The following RBM20 variants were observed in gnomAD, a reference collection of about 807,000 sequenced individuals.
RBM20 encodes RNA-binding protein 20.
In RBM20, 51 loss-of-function variants were observed where a neutral mutation model predicts 110.1. The observed-to-expected ratio is 0.46, with a 90% CI of 0.37 to 0.59. The LOEUF (loss-of-function observed/expected upper bound fraction) is 0.59. RBM20 is among the 20% of genes least tolerant of loss of function. The pLI is 0.00. For missense variants in RBM20, 1,512 were observed against 1,574.9 expected, an observed-to-expected ratio of 0.96 and a Z score of 0.68; for synonymous variants, 589 against 618.2, an observed-to-expected ratio of 0.95 and a Z score of 0.70.
At chr10:110,740,345 T>A (rs1417854258) in intron 1 of RBM20, among the ~76,000 whole-genome samples, 1 of 152,100 alleles carries the variant, frequency 6.6e-6, no homozygotes, top group Non-Finnish European at 1.5e-5. Flanking sequence ...TTTTTTAAGT[T>A]GGGTGTTTTT....
chr10:110,704,945 TTA>T (rs1273197737), intron 1 of RBM20, among the ~76,000 whole-genome samples: 1 of 152,230 alleles, frequency 6.6e-6, no homozygotes. Flanking sequence ...TCATGGAATA[TTA>T]TATGTTTTTG....
chr10:110,700,788 G>T (rs938769610), intron 1 of RBM20, among the ~76,000 whole-genome samples: 3 of 152,120 alleles, frequency 2.0e-5, no homozygotes, highest in Non-Finnish European at 4.4e-5. Flanking sequence ...GGCTGAGGCG[G>T]GCGGATCACC....
At chr10:110,683,190 A>G (rs1393773193) in intron 1 of RBM20, among the ~76,000 whole-genome samples, 1 of 152,330 alleles carries the variant, frequency 6.6e-6, no homozygotes, top group South Asian at 2.1e-4. Flanking sequence ...TCTTGATTTC[A>G]TAGTCAGCTT....
At chr10:110,810,080 T>C (rs1430163124) in intron 7 of RBM20, among the ~76,000 whole-genome samples, 2 of 152,206 alleles carry the variant, frequency 1.3e-5, no homozygotes, top group African/African-American at 4.8e-5. Context: ...ATTTTAATTT[T>C]TTTTTATTCG....
chr10:110,830,499 G>GC (rs972007247), intron 12 of RBM20, among the ~76,000 whole-genome samples: 1 of 152,054 alleles, frequency 6.6e-6, no homozygotes, highest in Non-Finnish European at 1.5e-5. Context: ...GACTAAAATG[G>GC]CCCCCCCAAA....
chr10:110,827,787 C>G (rs1845000545), intron 12 of RBM20: 1 of 152,192 alleles, frequency 6.6e-6, no homozygotes, highest in Admixed American at 6.5e-5. Flanking sequence ...TATGGCTCCT[C>G]TCACCGGGGC....
intron 5 of RBM20, among the ~76,000 whole-genome samples, chr10:110,794,042 T>C (rs1844517781): frequency 6.6e-6 from 1 of 152,228 alleles, no homozygotes; most frequent in Non-Finnish European, 1.5e-5. Context: ...ATGTACAAAC[T>C]GTACTTTTGA....
intron 1 of RBM20, among the ~76,000 whole-genome samples, chr10:110,772,976 T>C (rs1363141373): frequency 6.6e-6 from 1 of 152,088 alleles, no homozygotes; most frequent in African/African-American, 2.4e-5. Flanking sequence ...TTTCTCATTT[T>C]ACAAAAAAAA....
chr10:110,835,761 G>A, intron 13 of RBM20, 107 bp from the exon 14 acceptor site: 1 of 1,162,130 alleles, frequency 8.6e-7, no homozygotes, highest in Non-Finnish European at 1.2e-6. Context: ...CCCACAGCTG[G>A]GCACAGATGC....
chr10:110,757,233 T>C (rs1396618480), intron 1 of RBM20, among the ~76,000 whole-genome samples: 1 of 152,224 alleles, frequency 6.6e-6, no homozygotes, highest in Non-Finnish European at 1.5e-5. Flanking sequence ...TTTGCTCTAT[T>C]CCTCTATGTT....
intron 1 of RBM20, among the ~76,000 whole-genome samples, chr10:110,645,939 C>T (rs2134795812): frequency 6.6e-6 from 1 of 152,190 alleles, no homozygotes. Flanking sequence ...AATTATTCAG[C>T]CAATACTAAA....
At chr10:110,753,268 T>G (rs1590655583) in intron 1 of RBM20, among the ~76,000 whole-genome samples, 1 of 66,138 alleles carries the variant, frequency 1.5e-5, no homozygotes, top group South Asian at 5.8e-4. Flanking sequence ...CTAAAGTTTA[T>G]CAAAGCTTTC....
At chr10:110,764,710 G>A (rs1844056308) in intron 1 of RBM20, among the ~76,000 whole-genome samples, 2 of 152,162 alleles carry the variant, frequency 1.3e-5, no homozygotes, top group African/African-American at 2.4e-5. Context: ...CAGAAAGCTG[G>A]TAGAATGTCA....
At chr10:110,716,907 G>A (rs1192088870) in intron 1 of RBM20, among the ~76,000 whole-genome samples, 1 of 126,002 alleles carries the variant, frequency 7.9e-6, no homozygotes, top group Non-Finnish European at 1.6e-5. Flanking sequence ...ACACAACTCC[G>A]TCTCAAAAAA....
intron 5 of RBM20, among the ~76,000 whole-genome samples, chr10:110,790,228 G>A (rs1328079351): frequency 1.3e-5 from 2 of 152,218 alleles, no homozygotes; most frequent in Admixed American, 6.5e-5. Context: ...CCCTCTGAAT[G>A]CATGGCTTAG....
At chr10:110,752,892 T>C (rs1243363606) in intron 1 of RBM20, among the ~76,000 whole-genome samples, 2 of 146,368 alleles carry the variant, frequency 1.4e-5, no homozygotes, top group Admixed American at 6.8e-5. Flanking sequence ...TTCTAGAAAT[T>C]ATAATACATA....
At position 110,839,341 on chromosome 10, in the gene RBM20, A is replaced by G. The variant is rs997961259; in HGVS notation, c.*3363A>G. The G allele has an allele frequency of 6.6e-6, 1 of 152,192 alleles. No homozygotes were observed. The highest frequency in any genetic ancestry group is 1.5e-5 in the Non-Finnish European group (1 of 68,026). The allele number at this position is 152,192 out of a possible 1,614,324, so 9.4% of individuals were successfully genotyped here. ...CACTAAGTTAAGTTTGAACTTGTAA[A>G]GTATTGAAATTTGTTGAGTGTCCTA... is the stretch of plus-strand genomic sequence containing the variant. On this transcript the variant is annotated 3_prime_UTR_variant, in exon 14 of 14. Coordinates refer to ENST00000369519, the MANE Select transcript of RBM20 (RefSeq NM_001134363.3).
chr10:110,770,832 A>G (rs1286827039), intron 1 of RBM20, among the ~76,000 whole-genome samples: 1 of 152,258 alleles, frequency 6.6e-6, no homozygotes, highest in Non-Finnish European at 1.5e-5. Context: ...AACATCGTGT[A>G]GATTAGGCAC....
intron 1 of RBM20, among the ~76,000 whole-genome samples, chr10:110,699,900 A>G (rs1349204774): frequency 1.3e-5 from 2 of 152,132 alleles, no homozygotes; most frequent in African/African-American, 2.4e-5. Context: ...CGTTTATCCT[A>G]TCATTGAGGT....
Sources: allele counts gnomAD v4.1 joint callset (sites outside exome capture counted in the v4.1 genomes callset), GRCh38; gene constraint gnomAD v4.1.1; transcripts MANE v1.5; gene names NCBI Gene and HGNC (gene_info 2026-07-23, HGNC 2026-07-21).